The following GALNTL6 variants were observed in gnomAD, a reference collection of about 807,000 sequenced individuals.
The protein encoded by GALNTL6 is polypeptide N-acetylgalactosaminyltransferase like 6, also known as polypeptide N-acetylgalactosaminyltransferase-like 6.
GALNTL6 carries 46 observed loss-of-function variants against 73.7 expected under a neutral mutation model. The ratio of observed to expected loss-of-function variants is 0.62; its 90% CI spans 0.49 to 0.80. The LOEUF is 0.80. GALNTL6 is among the 30% of genes least tolerant of loss of function. The probability of loss-of-function intolerance (pLI) is 0.00; values close to 1 mark genes in which losing one functional copy is unlikely to be tolerated. For synonymous variants in GALNTL6, 259 were observed against 263.7 expected (o/e 0.98, Z 0.17); for missense variants, 604 against 755.0 (o/e 0.80, Z 2.34).
At chr4:171,938,216 C>T (rs1485309598) in intron 2 of GALNTL6, among the ~76,000 whole-genome samples, 1 of 152,010 alleles carries the variant, frequency 6.6e-6, no homozygotes, top group Non-Finnish European at 1.5e-5. Flanking sequence ...AGTCATTCCC[C>T]AGTCTCCAGC....
intron 2 of GALNTL6, among the ~76,000 whole-genome samples, chr4:171,941,271 G>T (rs532806446): frequency 2.0e-5 from 3 of 152,218 alleles, no homozygotes; most frequent in East Asian, 1.9e-4. Context: ...TACAGGTGTC[G>T]CATGCTATTT....
At chr4:172,129,884 G>T (rs879047289) in intron 2 of GALNTL6, among the ~76,000 whole-genome samples, 2 of 152,178 alleles carry the variant, frequency 1.3e-5, no homozygotes, top group Admixed American at 1.3e-4. Context: ...CAATTTGTCT[G>T]AGGGGATCTC....
chr4:171,938,103 C>CT (rs1225292283), intron 2 of GALNTL6, among the ~76,000 whole-genome samples: 3 of 151,886 alleles, frequency 2.0e-5, no homozygotes, highest in Admixed American at 1.3e-4. Flanking sequence ...TGGATTTTTT[C>CT]TTTTTTTTAA....
At chr4:172,799,529 T>G (rs985534554) in intron 5 of GALNTL6, among the ~76,000 whole-genome samples, 1 of 152,174 alleles carries the variant, frequency 6.6e-6, no homozygotes, top group Non-Finnish European at 1.5e-5. Context: ...TTGGGGGAAT[T>G]TTTAATAGCA....
At chr4:172,826,921 C>T (rs938635613) in intron 7 of GALNTL6, among the ~76,000 whole-genome samples, 3 of 152,242 alleles carry the variant, frequency 2.0e-5, no homozygotes, top group African/African-American at 7.2e-5. Flanking sequence ...GCTCACCTTT[C>T]CTCCATTCTC....
chr4:172,814,839 C>T (rs777621544), intron 7 of GALNTL6, among the ~76,000 whole-genome samples: 1 of 152,130 alleles, frequency 6.6e-6, no homozygotes, highest in African/African-American at 2.4e-5. Flanking sequence ...TAGCCTGATA[C>T]CACGCGAGAG....
At chr4:172,041,828 C>G (rs1250044110) in intron 2 of GALNTL6, among the ~76,000 whole-genome samples, 2 of 151,984 alleles carry the variant, frequency 1.3e-5, no homozygotes, top group Non-Finnish European at 2.9e-5. Context: ...GTATCCTCTC[C>G]TTGACTCTGG....
chr4:172,243,675 A>G (rs1737527173), intron 3 of GALNTL6, among the ~76,000 whole-genome samples: 1 of 152,172 alleles, frequency 6.6e-6, no homozygotes, highest in African/African-American at 2.4e-5. Context: ...CATTTAAAGG[A>G]TATGCATTGA....
At chr4:172,927,851 A>C (rs570163379) in intron 8 of GALNTL6, among the ~76,000 whole-genome samples, 3 of 152,126 alleles carry the variant, frequency 2.0e-5, no homozygotes, top group Admixed American at 2.0e-4. Context: ...CTTCTGTTGT[A>C]CTCTACTGGT....
chr4:172,776,277 TC>T (rs1739066982), intron 5 of GALNTL6, among the ~76,000 whole-genome samples: 1 of 152,244 alleles, frequency 6.6e-6, no homozygotes, highest in South Asian at 2.1e-4. Context: ...TTTTCACTCC[TC>T]TGCTCCTGCC....
intron 10 of GALNTL6, among the ~76,000 whole-genome samples, chr4:172,977,984 C>T (rs1750898700): frequency 6.6e-6 from 1 of 152,090 alleles, no homozygotes; most frequent in Admixed American, 6.5e-5. Context: ...GGATTACAGG[C>T]ACCCGCCACC....
chr4:172,503,258 A>G (rs909304346), intron 5 of GALNTL6, among the ~76,000 whole-genome samples: 7 of 152,084 alleles, frequency 4.6e-5, no homozygotes, highest in Admixed American at 4.6e-4. Context: ...CATCTATGGA[A>G]GCAAAATACC....
intron 5 of GALNTL6, among the ~76,000 whole-genome samples, chr4:172,579,557 C>G (rs1207644771): frequency 6.6e-6 from 1 of 152,160 alleles, no homozygotes; most frequent in African/African-American, 2.4e-5. Context: ...AATAACAACA[C>G]TCCTTAGCTA....
chr4:172,187,579 G>GT (rs1470790306), intron 2 of GALNTL6, among the ~76,000 whole-genome samples: 1 of 151,952 alleles, frequency 6.6e-6, no homozygotes, highest in Non-Finnish European at 1.5e-5. Context: ...TGCAGTGTTT[G>GT]TCCCCCTTAA....
intron 8 of GALNTL6, among the ~76,000 whole-genome samples, chr4:172,901,202 CG>C (rs1360465391): frequency 2.0e-5 from 3 of 152,116 alleles, no homozygotes; most frequent in Admixed American, 2.0e-4. Flanking sequence ...TTCTCACTAT[CG>C]TTTGCTGACC....
chr4:172,875,261 A>G (rs1320245848), intron 7 of GALNTL6, among the ~76,000 whole-genome samples: 1 of 152,170 alleles, frequency 6.6e-6, no homozygotes, highest in Non-Finnish European at 1.5e-5. Flanking sequence ...AAAATGATTA[A>G]TAATTGAAAC....
intron 2 of GALNTL6, among the ~76,000 whole-genome samples, chr4:171,887,807 T>A (rs1400628237): frequency 6.6e-6 from 1 of 152,194 alleles, no homozygotes; most frequent in Non-Finnish European, 1.5e-5. Flanking sequence ...ATAATTCTTT[T>A]CTGGAAGGTT....
intron 2 of GALNTL6, among the ~76,000 whole-genome samples, chr4:171,897,777 A>T (rs1297506828): frequency 1.3e-5 from 2 of 151,536 alleles, no homozygotes; most frequent in African/African-American, 4.8e-5. Context: ...AATGCAAAAA[A>T]ATTAGCCAGA....
intron 2 of GALNTL6, among the ~76,000 whole-genome samples, chr4:171,919,635 A>G (rs1737726713): frequency 6.6e-6 from 1 of 152,178 alleles, no homozygotes; most frequent in Non-Finnish European, 1.5e-5. Flanking sequence ...CAAAGCAAAT[A>G]TGGATGAAAT....
Sources: allele counts gnomAD v4.1 joint callset (sites outside exome capture counted in the v4.1 genomes callset), GRCh38; gene constraint gnomAD v4.1.1; transcripts MANE v1.5; gene names NCBI Gene and HGNC (gene_info 2026-07-23, HGNC 2026-07-21).